Variants in FBXL13 observed in about 807,000 individuals in gnomAD.
FBXL13 encodes F-box and leucine rich repeat protein 13.
A neutral mutation model predicts 83.6 loss-of-function variants in FBXL13; 67 were observed. The observed-to-expected ratio is 0.80, with a 90% CI of 0.66 to 0.98. The LOEUF (loss-of-function observed/expected upper bound fraction) is 0.98. Ranked by LOEUF, FBXL13 falls within the 50% of genes least tolerant of loss-of-function variation. The pLI, the probability that FBXL13 is intolerant of heterozygous loss-of-function variation, is 0.00. For missense variants in FBXL13, 822 were observed against 866.5 expected (o/e 0.95, Z 0.64); for synonymous variants, 272 against 299.5 (o/e 0.91, Z 0.95).
intron 16 of FBXL13, among the ~76,000 whole-genome samples, chr7:102,862,276 C>T (rs1368640096): frequency 4.1e-5 from 6 of 147,704 alleles, no homozygotes; most frequent in Non-Finnish European, 8.9e-5. Context: ...TTGCAGTGAG[C>T]TGAGATTGCA....
chr7:102,886,955 T>C (rs184340217), intron 11 of FBXL13, among the ~76,000 whole-genome samples: 1 of 152,248 alleles, frequency 6.6e-6, no homozygotes, highest in Admixed American at 6.5e-5. Flanking sequence ...TATTTTTCTA[T>C]TGTGCTACAG....
At chr7:102,909,506 A>G (rs1381519725) in intron 11 of FBXL13, among the ~76,000 whole-genome samples, 1 of 151,976 alleles carries the variant, frequency 6.6e-6, no homozygotes, top group Non-Finnish European at 1.5e-5. Flanking sequence ...TCTCACCTGA[A>G]GCCTGCAAGT....
At chr7:102,934,593 C>A in intron 8 of FBXL13, 4 of 1,614,116 alleles carry the variant, frequency 2.5e-6, no homozygotes, top group Non-Finnish European at 3.4e-6. Flanking sequence ...CCCCAAGTGT[C>A]AGGGAGACCC....
chr7:103,060,944 T>A (rs1797844864), intron 1 of FBXL13, among the ~76,000 whole-genome samples: 1 of 152,206 alleles, frequency 6.6e-6, no homozygotes, highest in South Asian at 2.1e-4. Flanking sequence ...GGTAGCACGC[T>A]GTTGTTTTGG....
At chr7:103,009,650 C>T (rs1048121888) in intron 6 of FBXL13, among the ~76,000 whole-genome samples, 2 of 152,216 alleles carry the variant, frequency 1.3e-5, no homozygotes, top group African/African-American at 4.8e-5. Flanking sequence ...GCACTATAGC[C>T]CCAGTAGAGG....
intron 6 of FBXL13, among the ~76,000 whole-genome samples, chr7:102,993,154 T>C (rs1195143430): frequency 6.6e-6 from 1 of 152,222 alleles, no homozygotes; most frequent in Non-Finnish European, 1.5e-5. Context: ...CTGGAACCAC[T>C]GTCTGCATTG....
chr7:103,059,502 A>G (rs1023005381), intron 1 of FBXL13, among the ~76,000 whole-genome samples: 3 of 152,206 alleles, frequency 2.0e-5, no homozygotes, highest in Non-Finnish European at 4.4e-5. Flanking sequence ...ACATTCCCAT[A>G]AGATTAACGT....
At chr7:102,986,025 C>T (rs947058511) in intron 6 of FBXL13, among the ~76,000 whole-genome samples, 1 of 151,884 alleles carries the variant, frequency 6.6e-6, no homozygotes, top group South Asian at 2.1e-4. Flanking sequence ...ATGCCCCCCC[C>T]CCATCAATAC....
At position 102,835,059 on chromosome 7, in the gene FBXL13, T is replaced by A. The variant is rs557247896; in HGVS notation, c.1720-2085A>T. Among the ~76,000 whole-genome samples, 8 of 152,330 alleles carry A rather than the reference T, an allele frequency of 5.3e-5. No homozygotes were observed. The East Asian group carries it at 1.5e-3, about 29-fold the overall frequency. ...ATAATAATAAAGATGCACAAATGTA[T>A]TGTACTTTGAGAAAAACTGAAAGAT... On this transcript the variant is annotated intron_variant, in intron 17 of 19. Coordinates refer to ENST00000313221, the Ensembl canonical transcript of FBXL13.
At chr7:103,060,762 G>A (rs1797825257) in intron 1 of FBXL13, among the ~76,000 whole-genome samples, 1 of 152,146 alleles carries the variant, frequency 6.6e-6, no homozygotes. Context: ...TACTCCAAAA[G>A]TGCAGAGATA....
intron 18 of FBXL13, among the ~76,000 whole-genome samples, chr7:102,825,315 C>T (rs778098610): frequency 6.6e-6 from 1 of 152,138 alleles, no homozygotes; most frequent in African/African-American, 2.4e-5. Flanking sequence ...AACCTGTTAT[C>T]ATGAGAGTGG....
chr7:102,885,121 G>C (rs1232433737), intron 11 of FBXL13, among the ~76,000 whole-genome samples: 1 of 152,092 alleles, frequency 6.6e-6, no homozygotes, highest in Non-Finnish European at 1.5e-5. Context: ...TGAATATCAG[G>C]TTTCAATTCT....
intron 17 of FBXL13, among the ~76,000 whole-genome samples, chr7:102,843,142 G>C (rs1803261438): frequency 6.6e-6 from 1 of 152,176 alleles, no homozygotes; most frequent in African/African-American, 2.4e-5. Context: ...GAGAGAAGGA[G>C]TATGTTATTT....
chr7:102,927,610 C>T (rs1360162530), intron 9 of FBXL13, among the ~76,000 whole-genome samples: 1 of 152,152 alleles, frequency 6.6e-6, no homozygotes, highest in Non-Finnish European at 1.5e-5. Flanking sequence ...AAAGAGAACA[C>T]AAGATTCTAT....
rs527380680 is a variant in FBXL13 at position 102,940,295 on chromosome 7, C to T, written c.725-8362G>A. ...TGCAATCTCGGCTCACTGCAAGCTCCGCCTCCCAGGTTCACGCCATTCTCC... is the reference window on the plus strand; with the variant it reads ...TGCAATCTCGGCTCACTGCAAGCTCTGCCTCCCAGGTTCACGCCATTCTCC... On this transcript the variant is annotated intron_variant, in intron 8 of 19. Coordinates refer to ENST00000313221, the Ensembl canonical transcript of FBXL13. 1.0e-3 allele frequency among the ~76,000 whole-genome samples: 150 copies of T among 150,200 alleles called. 2 individuals are homozygous for T. Among genetic ancestry groups the T allele is most frequent in the African/African-American group, 3.4e-3 (141 of 40,872 alleles).
At chr7:103,067,529 G>T (rs1798516545) in intron 1 of FBXL13, among the ~76,000 whole-genome samples, 1 of 152,156 alleles carries the variant, frequency 6.6e-6, no homozygotes, top group South Asian at 2.1e-4. Context: ...ATTTTACTTG[G>T]CTCTGTCTCT....
intron 6 of FBXL13, among the ~76,000 whole-genome samples, chr7:103,002,246 C>T (rs1279215230): frequency 1.3e-5 from 2 of 152,190 alleles, no homozygotes; most frequent in East Asian, 1.9e-4. Context: ...TTTTTTTAAA[C>T]AGATTACAAC....
chr7:102,969,949 C>T (rs1049209079), intron 6 of FBXL13, among the ~76,000 whole-genome samples: 1 of 151,914 alleles, frequency 6.6e-6, no homozygotes, highest in Non-Finnish European at 1.5e-5. Context: ...GGTATCTAGC[C>T]TGGTATCAAA....
chr7:102,902,950 T>C (rs1813152248), intron 11 of FBXL13, among the ~76,000 whole-genome samples: 1 of 152,010 alleles, frequency 6.6e-6, no homozygotes, highest in Admixed American at 6.6e-5. Context: ...TTTTTTTCTA[T>C]TTCTGTGAAG....
Sources: allele counts gnomAD v4.1 joint callset (sites outside exome capture counted in the v4.1 genomes callset), GRCh38; gene constraint gnomAD v4.1.1; transcripts MANE v1.5; gene names NCBI Gene and HGNC (gene_info 2026-07-23, HGNC 2026-07-21).